Variants in KIAA0825 observed in about 807,000 individuals in gnomAD.
The protein encoded by KIAA0825 is uncharacterized protein KIAA0825.
A neutral mutation model predicts 147.6 loss-of-function variants in KIAA0825; 119 were observed. That is an observed-to-expected ratio of 0.81 (90% CI 0.69 to 0.94). The LOEUF is 0.94. Ranked by LOEUF, KIAA0825 falls within the 40% of genes least tolerant of loss-of-function variation. KIAA0825 has a pLI of 0.00. For synonymous variants in KIAA0825, 470 were observed against 518.1 expected (o/e 0.91, Z 1.26); for missense variants, 1,381 against 1,472.7 (o/e 0.94, Z 1.02).
intron 2 of KIAA0825, among the ~76,000 whole-genome samples, chr5:94,560,053 A>G (rs181540985): frequency 8.5e-5 from 13 of 152,240 alleles, no homozygotes; most frequent in African/African-American, 3.1e-4. Context: ...TTTTTCTCTG[A>G]GGGCTGCTTC....
At chr5:94,557,543 C>T (rs1427763246) in intron 2 of KIAA0825, among the ~76,000 whole-genome samples, 1 of 151,904 alleles carries the variant, frequency 6.6e-6, no homozygotes, top group Non-Finnish European at 1.5e-5. Flanking sequence ...AGCTGGATTT[C>T]CTAAGTTGAC....
At chr5:94,472,169 T>A (rs1475588409) in intron 8 of KIAA0825, among the ~76,000 whole-genome samples, 1 of 152,220 alleles carries the variant, frequency 6.6e-6, no homozygotes, top group East Asian at 1.9e-4. Context: ...AAATGCCACA[T>A]ATAAATGTCA....
At chr5:94,382,941 A>G (rs952291879) in intron 20 of KIAA0825, among the ~76,000 whole-genome samples, 9 of 152,264 alleles carry the variant, frequency 5.9e-5, no homozygotes, top group Non-Finnish European at 1.3e-4. Context: ...TAATCTGTAT[A>G]AACTCAAAAC....
intron 2 of KIAA0825, among the ~76,000 whole-genome samples, chr5:94,540,822 T>G (rs1002159897): frequency 2.0e-5 from 3 of 152,206 alleles, no homozygotes; most frequent in Non-Finnish European, 4.4e-5. Flanking sequence ...CTGCTTAACT[T>G]TGAAAAATTA....
intron 10 of KIAA0825, among the ~76,000 whole-genome samples, chr5:94,468,338 T>G (rs923024086): frequency 6.6e-6 from 1 of 152,202 alleles, no homozygotes; most frequent in Non-Finnish European, 1.5e-5. Flanking sequence ...ATAAAATTGC[T>G]CATTAGTAGT....
intron 3 of KIAA0825, among the ~76,000 whole-genome samples, chr5:94,530,993 T>C (rs1770687410): frequency 6.6e-6 from 1 of 152,252 alleles, no homozygotes; most frequent in African/African-American, 2.4e-5. Flanking sequence ...TGCTTCCCTT[T>C]CCTTATTTGC....
chr5:94,352,674 G>T (rs1783809959), intron 20 of KIAA0825, among the ~76,000 whole-genome samples: 1 of 152,152 alleles, frequency 6.6e-6, no homozygotes, highest in Non-Finnish European at 1.5e-5. Flanking sequence ...CAACCCAAAT[G>T]CCCATCAATC....
intron 5 of KIAA0825, among the ~76,000 whole-genome samples, chr5:94,505,361 TAAA>T (rs530402018): frequency 1.5e-5 from 2 of 136,078 alleles, no homozygotes. Context: ...ACTCTGTCTT[TAAA>T]AAAAAAAAAA....
chr5:94,288,506 G>A (rs1293490317), intron 20 of KIAA0825, among the ~76,000 whole-genome samples: 2 of 152,112 alleles, frequency 1.3e-5, no homozygotes, highest in Non-Finnish European at 2.9e-5. Context: ...GAAATCGGAG[G>A]TTGGTTTAGC....
intron 14 of KIAA0825, 51 bp downstream of exon 14, chr5:94,439,931 C>A: frequency 1.3e-6 from 2 of 1,511,518 alleles, no homozygotes; most frequent in South Asian, 1.3e-5. Context: ...TTATTCAACT[C>A]GAGCAATGAC....
chr5:94,594,819 A>T, intron 1 of KIAA0825: 1 of 464,096 alleles, frequency 2.2e-6, no homozygotes, highest in Non-Finnish European at 4.2e-6. Context: ...AATGAGTGTT[A>T]TCATGTGTCA....
chr5:94,253,316 C>T (rs1776068840), intron 20 of KIAA0825, among the ~76,000 whole-genome samples: 1 of 152,042 alleles, frequency 6.6e-6, no homozygotes, highest in Non-Finnish European at 1.5e-5. Flanking sequence ...CATTTAATTT[C>T]AATGCCAGAC....
intron 20 of KIAA0825, among the ~76,000 whole-genome samples, chr5:94,257,096 C>T (rs1258370973): frequency 1.3e-5 from 2 of 152,028 alleles, no homozygotes; most frequent in Non-Finnish European, 1.5e-5. Context: ...ACAATATTTC[C>T]ATATGGAGTA....
intron 20 of KIAA0825, among the ~76,000 whole-genome samples, chr5:94,305,295 C>G (rs1778651495): frequency 6.6e-6 from 1 of 151,918 alleles, no homozygotes; most frequent in Non-Finnish European, 1.5e-5. Flanking sequence ...AAACAGAAAT[C>G]TCTTTCACAC....
intron 20 of KIAA0825, among the ~76,000 whole-genome samples, chr5:94,272,379 C>G (rs1777032723): frequency 6.6e-6 from 1 of 151,942 alleles, no homozygotes. Flanking sequence ...AGGATAAATG[C>G]TTGAGGTGAT....
intron 1 of KIAA0825, among the ~76,000 whole-genome samples, chr5:94,583,793 T>C (rs1782706571): frequency 6.6e-6 from 1 of 151,944 alleles, no homozygotes; most frequent in African/African-American, 2.4e-5. Flanking sequence ...AGACACCTCA[T>C]ATAGGCAGGT....
intron 2 of KIAA0825, chr5:94,570,717 A>G (rs1398042402): frequency 6.6e-6 from 1 of 152,224 alleles, no homozygotes; most frequent in African/African-American, 2.4e-5. Context: ...GGTCTTGTAA[A>G]CTGGAAATGA....
At chr5:94,299,494 C>T (rs1778288024) in intron 20 of KIAA0825, among the ~76,000 whole-genome samples, 1 of 152,128 alleles carries the variant, frequency 6.6e-6, no homozygotes, top group African/African-American at 2.4e-5. Context: ...AGATTACAGG[C>T]ATGAGCCACC....
At chr5:94,239,990 A>G (rs931480999) in intron 20 of KIAA0825, among the ~76,000 whole-genome samples, 5 of 152,162 alleles carry the variant, frequency 3.3e-5, no homozygotes, top group Non-Finnish European at 7.4e-5. Flanking sequence ...TGTCCAATTA[A>G]TAGATTGCCT....
Sources: gnomAD v4.1 joint callset for allele counts (sites outside exome capture counted in the v4.1 genomes callset) on GRCh38, gnomAD v4.1.1 for gene constraint, MANE v1.5 for transcripts, NCBI Gene and HGNC (gene_info 2026-07-23, HGNC 2026-07-21) for gene names.